The following PRKCB variants were observed in gnomAD, a reference collection of about 807,000 sequenced individuals.
PRKCB encodes protein kinase C beta type.
PRKCB carries 13 observed loss-of-function variants against 81.5 expected under a neutral mutation model. The observed-to-expected ratio is 0.16, with a 90% confidence interval of 0.10 to 0.25. PRKCB has a LOEUF of 0.25. PRKCB is among the 10% of genes least tolerant of loss of function. PRKCB has a pLI of 1.00. For synonymous variants in PRKCB, 335 were observed against 321.4 expected, an observed-to-expected ratio of 1.04 and a Z score of -0.45; for missense variants, 509 against 875.7, an observed-to-expected ratio of 0.58 and a Z score of 5.29.
In PRKCB at chr16:24,061,910, T is replaced by TAAAAAAAAA. The variant is rs1210402981; in HGVS notation, c.529+26378_529+26386dup. Among the ~76,000 whole-genome samples, 40 of 93,422 alleles carry TAAAAAAAAA rather than the reference T, an allele frequency of 4.3e-4. 3 individuals are homozygous for TAAAAAAAAA. Among genetic ancestry groups the TAAAAAAAAA allele is most frequent in the Non-Finnish European group, 5.4e-4 (25 of 45,928 alleles). 61.3% of individuals were successfully genotyped at this position (93,422 alleles called of 152,430 possible). A position where few individuals can be genotyped will look rare whatever the true frequency, so the allele number is the denominator to read the frequency against. The stretch of plus-strand genomic sequence containing the variant: ...CCACTCCCCCTGCACCTTAAATAAA[T>TAAAAAAAAA]AAAAAAAAAAAAAAAAAAAAAAACT... On this transcript the variant is annotated intron_variant, in intron 5 of 16. Transcript: ENST00000643927.
intron 2 of PRKCB, among the ~76,000 whole-genome samples, chr16:23,971,917 T>A (rs1349879316): frequency 6.6e-6 from 1 of 152,138 alleles, no homozygotes; most frequent in Admixed American, 6.5e-5. Flanking sequence ...TAGGTATTTA[T>A]CCAAGAGGAA....
At chr16:23,949,072 T>C (rs1964240942) in intron 2 of PRKCB, among the ~76,000 whole-genome samples, 1 of 152,222 alleles carries the variant, frequency 6.6e-6, no homozygotes, top group Admixed American at 6.5e-5. Flanking sequence ...GCGTAAACAC[T>C]TGGCTTTGGC....
intron 2 of PRKCB, among the ~76,000 whole-genome samples, chr16:23,968,584 G>A (rs1015080105): frequency 2.6e-5 from 4 of 152,186 alleles, no homozygotes; most frequent in Non-Finnish European, 5.9e-5. Context: ...TTGCCTGTTG[G>A]CCTCACCCAC....
chr16:24,171,912 T>A (rs1330021432), intron 10 of PRKCB, among the ~76,000 whole-genome samples: 1 of 152,150 alleles, frequency 6.6e-6, no homozygotes, highest in Non-Finnish European at 1.5e-5. Flanking sequence ...TTTTGTATTT[T>A]GTTTTTTTTC....
chr16:24,201,996 A>G (rs1416465030), intron 16 of PRKCB, among the ~76,000 whole-genome samples: 1 of 151,548 alleles, frequency 6.6e-6, no homozygotes, highest in Non-Finnish European at 1.5e-5. Context: ...AGATAGCGCC[A>G]CTGCAGTCCA....
chr16:24,079,320 A>G (rs1270551539), intron 5 of PRKCB, among the ~76,000 whole-genome samples: 1 of 152,186 alleles, frequency 6.6e-6, no homozygotes, highest in Non-Finnish European at 1.5e-5. Flanking sequence ...CACACGTGAC[A>G]TTTGGCAGTG....
At chr16:24,044,561 A>G (rs921351755) in intron 5 of PRKCB, among the ~76,000 whole-genome samples, 2 of 152,252 alleles carry the variant, frequency 1.3e-5, no homozygotes, top group Non-Finnish European at 2.9e-5. Context: ...ATAACTAAAA[A>G]CAAAACACCA....
intron 6 of PRKCB, among the ~76,000 whole-genome samples, chr16:24,093,942 A>G (rs1202600256): frequency 1.3e-5 from 2 of 152,228 alleles, no homozygotes; most frequent in East Asian, 1.9e-4. Flanking sequence ...TGTTCTTGTC[A>G]TAGCCAGTCT....
At chr16:24,079,925 G>A (rs74589955) in intron 5 of PRKCB, among the ~76,000 whole-genome samples, 2,339 of 152,144 alleles carry the variant, frequency 0.015, 16 homozygotes, top group Non-Finnish European at 0.026. Flanking sequence ...AGTGTTAAAA[G>A]GACGAATGGT....
intron 2 of PRKCB, among the ~76,000 whole-genome samples, chr16:23,962,486 G>C (rs1029547407): frequency 2.0e-5 from 3 of 152,152 alleles, no homozygotes; most frequent in African/African-American, 7.2e-5. Flanking sequence ...TATCAGCTCA[G>C]AATTCACTTA....
chr16:23,916,540 T>C (rs1057468653), intron 2 of PRKCB, among the ~76,000 whole-genome samples: 5 of 152,202 alleles, frequency 3.3e-5, no homozygotes, highest in Admixed American at 6.5e-5. Flanking sequence ...CCCTAGCCCT[T>C]AGGCCACTCT....
At chr16:24,185,372 C>T in intron 14 of PRKCB, 88 bp from the exon 15 acceptor site, 3 of 1,317,972 alleles carry the variant, frequency 2.3e-6, no homozygotes, top group Non-Finnish European at 3.2e-6. Flanking sequence ...CACTGTGGGC[C>T]CCAGGGAGGA....
intron 3 of PRKCB, among the ~76,000 whole-genome samples, chr16:24,016,239 C>T (rs118154172): frequency 0.015 from 2,328 of 152,262 alleles, 42 homozygotes; most frequent in Admixed American, 0.027. Flanking sequence ...TTTGAGAATA[C>T]AGTATTCCCC....
In PRKCB at chr16:24,219,663, C is replaced by A. The variant is rs1253274350; in HGVS notation, c.*4847C>A. The A allele has an allele frequency of 3.1e-6, 2 of 646,978 alleles. No homozygotes were observed. Among genetic ancestry groups the A allele is most frequent in the African/African-American group, 5.7e-5 (2 of 34,856 alleles). 40.1% of individuals were successfully genotyped at this position (646,978 alleles called of 1,614,324 possible). ...GCCAAAGAAAATACAGCAACACACACACACACACACACACACACACACACA... is the reference window on the plus strand; with the variant it reads ...GCCAAAGAAAATACAGCAACACACAAACACACACACACACACACACACACA... On this transcript the variant is annotated 3_prime_UTR_variant, in exon 17 of 17. Coordinates refer to ENST00000643927, the MANE Select transcript of PRKCB (RefSeq NM_002738.7).
intron 2 of PRKCB, among the ~76,000 whole-genome samples, chr16:23,895,475 A>G (rs527340233): frequency 6.6e-6 from 1 of 152,072 alleles, no homozygotes; most frequent in Non-Finnish European, 1.5e-5. Flanking sequence ...TTTCAATTAT[A>G]TCTACTGATT....
intron 2 of PRKCB, among the ~76,000 whole-genome samples, chr16:23,942,992 G>A (rs758598520): frequency 2.0e-5 from 3 of 152,110 alleles, no homozygotes; most frequent in South Asian, 2.1e-4. Context: ...ACTCCCCTCC[G>A]GAGCATCCAG....
chr16:24,071,023 G>A (rs1966100993), intron 5 of PRKCB, among the ~76,000 whole-genome samples: 2 of 152,066 alleles, frequency 1.3e-5, no homozygotes, highest in African/African-American at 2.4e-5. Flanking sequence ...GCAAGGGAGG[G>A]AACCATCTGG....
intron 7 of PRKCB, among the ~76,000 whole-genome samples, chr16:24,107,729 A>G (rs1966596786): frequency 6.6e-6 from 1 of 152,152 alleles, no homozygotes; most frequent in Non-Finnish European, 1.5e-5. Flanking sequence ...TGCGCCAGGC[A>G]CTGACATGTC....
chr16:24,000,907 A>G (rs1596505347), intron 3 of PRKCB, among the ~76,000 whole-genome samples: 3 of 152,216 alleles, frequency 2.0e-5, no homozygotes, highest in Non-Finnish European at 4.4e-5. Context: ...TATTGCTCCA[A>G]TGACCTTGGG....
Sources: allele counts gnomAD v4.1 joint callset (sites outside exome capture counted in the v4.1 genomes callset), GRCh38; gene constraint gnomAD v4.1.1; transcripts MANE v1.5; gene names NCBI Gene and HGNC (gene_info 2026-07-23, HGNC 2026-07-21).